ZNF827: variants seen among roughly 807,000 people sequenced by gnomAD.
The protein encoded by ZNF827 is zinc finger protein 827.
ZNF827 carries 13 observed loss-of-function variants against 102.4 expected under a neutral mutation model. The observed-to-expected ratio is 0.13, with a 90% confidence interval of 0.08 to 0.20. The LOEUF is 0.20. ZNF827 is among the 10% of genes least tolerant of loss of function. The pLI, the probability that ZNF827 is intolerant of heterozygous loss-of-function variation, is 1.00. For missense variants in ZNF827, 1,103 were observed against 1,344.4 expected, an observed-to-expected ratio of 0.82 and a Z score of 2.81; for synonymous variants, 523 against 536.2, an observed-to-expected ratio of 0.98 and a Z score of 0.34.
chr4:145,808,109 A>T (rs1374527983), intron 8 of ZNF827, among the ~76,000 whole-genome samples: 2 of 150,726 alleles, frequency 1.3e-5, no homozygotes, highest in Non-Finnish European at 2.9e-5. Context: ...GGTGCAAGTG[A>T]CTATACAGTA....
At chr4:145,829,855 T>G (rs1744034535) in intron 7 of ZNF827, among the ~76,000 whole-genome samples, 2 of 151,284 alleles carry the variant, frequency 1.3e-5, no homozygotes, top group South Asian at 4.1e-4. Flanking sequence ...ATGTTATTTT[T>G]TAAGAACTGA....
At chr4:145,835,437 G>C (rs538992164) in intron 7 of ZNF827, 1 of 141,716 alleles carries the variant, frequency 7.1e-6, no homozygotes, top group Admixed American at 7.0e-5. Context: ...CCCAACTCTG[G>C]TGCCAACTTA....
intron 7 of ZNF827, among the ~76,000 whole-genome samples, chr4:145,838,019 TG>T (rs1745045406): frequency 6.6e-6 from 1 of 152,128 alleles, no homozygotes; most frequent in Non-Finnish European, 1.5e-5. Flanking sequence ...AACACTATTT[TG>T]TTTTATTTTT....
intron 1 of ZNF827, among the ~76,000 whole-genome samples, chr4:145,917,794 T>C (rs1055102756): frequency 2.6e-5 from 4 of 151,678 alleles, no homozygotes; most frequent in African/African-American, 9.7e-5. Context: ...CTACATCAGT[T>C]CCTCTGGTTC....
rs144043664 is a variant in ZNF827 at position 145,874,714 on chromosome 4, C to T, written c.1748-4236G>A. The stretch of plus-strand genomic sequence containing the variant: ...TAACACAGAAAGATTTGTGCAGGTG[C>T]GGAACTCAACTTGTCAAGGACTTTC... On this transcript the variant is annotated intron_variant, in intron 4 of 14. Transcript: ENST00000508784. Among the ~76,000 whole-genome samples, 11 of 152,244 alleles carry T rather than the reference C, an allele frequency of 7.2e-5. No individual in the cohort carries two copies. The East Asian group carries it at 1.2e-3, about 16-fold the overall frequency.
chr4:145,811,605 T>C (rs1742017093), intron 8 of ZNF827, among the ~76,000 whole-genome samples: 1 of 152,214 alleles, frequency 6.6e-6, no homozygotes, highest in African/African-American at 2.4e-5. Flanking sequence ...TTGTGGGACA[T>C]GTTTCCCAAG....
At chr4:145,810,544 C>A (rs896725172) in intron 8 of ZNF827, among the ~76,000 whole-genome samples, 1 of 152,216 alleles carries the variant, frequency 6.6e-6, no homozygotes, top group African/African-American at 2.4e-5. Flanking sequence ...CCTGTCCTTT[C>A]CACTTGTCAG....
At chr4:145,931,836 A>G (rs1424912907) in intron 1 of ZNF827, among the ~76,000 whole-genome samples, 1 of 152,206 alleles carries the variant, frequency 6.6e-6, no homozygotes, top group Non-Finnish European at 1.5e-5. Flanking sequence ...CCAGCCATAG[A>G]AACAGGTATA....
rs774962575 is a variant in ZNF827, at chr4:145,762,211, A to G, written c.*18-613T>C. Among the ~76,000 whole-genome samples, 1 of 152,156 alleles carries G rather than the reference A, an allele frequency of 6.6e-6. No homozygotes were observed. Among genetic ancestry groups the G allele is most frequent in the East Asian group, 1.9e-4 (1 of 5,162 alleles). On this transcript the variant is annotated intron_variant, in intron 14 of 14. Coordinates refer to ENST00000508784, the MANE Select transcript of ZNF827 (RefSeq NM_001306215.2). The surrounding 1 kb of genome is among the most constrained non-coding windows in gnomAD (Gnocchi z 4.9). Reference sequence around the variant, plus strand: ...TGAGTGTGTGCATGTGTACATATCTATGTACTCGTAAAACATATCTCCCTA... The same window carrying G: ...TGAGTGTGTGCATGTGTACATATCTGTGTACTCGTAAAACATATCTCCCTA...
chr4:145,797,733 A>T (rs927277077), intron 8 of ZNF827, among the ~76,000 whole-genome samples: 3 of 152,212 alleles, frequency 2.0e-5, no homozygotes, highest in African/African-American at 7.2e-5. Flanking sequence ...ATTTTTAAGC[A>T]TTATACTATA....
chr4:145,780,702 T>C (rs1737844770), intron 8 of ZNF827, among the ~76,000 whole-genome samples: 2 of 152,338 alleles, frequency 1.3e-5, no homozygotes, highest in African/African-American at 4.8e-5. Flanking sequence ...GAGACACTTC[T>C]AAAAGGACAC....
At chr4:145,770,609 A>C (rs1283017664) in intron 11 of ZNF827, among the ~76,000 whole-genome samples, 1 of 151,996 alleles carries the variant, frequency 6.6e-6, no homozygotes, top group East Asian at 1.9e-4. Context: ...TATAATAATA[A>C]TGATAACTAA....
chr4:145,886,738 A>C (rs1385875840), intron 3 of ZNF827, among the ~76,000 whole-genome samples: 3 of 152,136 alleles, frequency 2.0e-5, no homozygotes, highest in African/African-American at 7.2e-5. Flanking sequence ...TACAAAAAAA[A>C]AAAACAAAGT....
Position 145,759,605 on chromosome 4 carries a change from T to C in ZNF827, c.*2011A>G, listed in dbSNP as rs1734238213. 1 of 152,148 alleles carries C rather than the reference T, an allele frequency of 6.6e-6. No individual in the cohort carries two copies. The highest frequency in any genetic ancestry group is 1.5e-5 in the Non-Finnish European group (1 of 68,028). The allele number at this position is 152,148 out of a possible 1,614,324, so 9.4% of individuals were successfully genotyped here. A position where few individuals can be genotyped will look rare whatever the true frequency, so the allele number is the denominator to read the frequency against. ...AGCACCTTTTTGTTGCGTCATTATATGTCAAAGAGGTTGTGGCTAAATCTT... is the reference window on the plus strand; with the variant it reads ...AGCACCTTTTTGTTGCGTCATTATACGTCAAAGAGGTTGTGGCTAAATCTT... On this transcript the variant is annotated 3_prime_UTR_variant, in exon 15 of 15. Coordinates refer to ENST00000508784, the MANE Select transcript of ZNF827 (RefSeq NM_001306215.2).
intron 3 of ZNF827, among the ~76,000 whole-genome samples, chr4:145,886,487 CA>C (rs928149027): frequency 2.0e-5 from 3 of 152,082 alleles, no homozygotes; most frequent in Non-Finnish European, 4.4e-5. Context: ...CAGCACAATC[CA>C]AACTTACAAA....
chr4:145,764,689 C>A (rs1735014047), intron 13 of ZNF827: 1 of 378,018 alleles, frequency 2.6e-6, no homozygotes, highest in South Asian at 3.0e-5. Context: ...CAAGTCTGAA[C>A]AAAACTCAAG....
rs182810452 is a variant in ZNF827, at chr4:145,890,429, G to A, written c.1266+1814C>T. 2.0e-5 allele frequency among the ~76,000 whole-genome samples: 3 copies of A among 152,314 alleles called. No homozygotes were observed. The East Asian group carries it at 5.8e-4, about 29-fold the overall frequency. On this transcript the variant is annotated intron_variant, in intron 3 of 14. Transcript: ENST00000508784. Reference sequence around the variant, plus strand: ...GTGACACTGCCATGGCCGGCCGTCTGTGTCATCAAGGCACCCAACTCATCT... The same window carrying A: ...GTGACACTGCCATGGCCGGCCGTCTATGTCATCAAGGCACCCAACTCATCT...
chr4:145,899,060 T>C (rs762204472), intron 2 of ZNF827, among the ~76,000 whole-genome samples: 2 of 152,228 alleles, frequency 1.3e-5, no homozygotes, highest in African/African-American at 2.4e-5. Context: ...GGTTATTATT[T>C]GTTTACTTAA....
At chr4:145,847,659 CAGT>C (rs1746119574) in intron 6 of ZNF827, among the ~76,000 whole-genome samples, 1 of 152,152 alleles carries the variant, frequency 6.6e-6, no homozygotes, top group South Asian at 2.1e-4. Flanking sequence ...CTTCCCAATG[CAGT>C]TCAAATGTGA....
Sources: gnomAD v4.1 joint callset for allele counts (sites outside exome capture counted in the v4.1 genomes callset) on GRCh38, gnomAD v4.1.1 for gene constraint, Gnocchi (gnomAD v3.1) non-coding constraint, MANE v1.5 for transcripts, NCBI Gene and HGNC (gene_info 2026-07-23, HGNC 2026-07-21) for gene names.